CARMIL1: variants seen among roughly 807,000 people sequenced by gnomAD.
CARMIL1 encodes capping protein regulator and myosin 1 linker 1, also known as F-actin-uncapping protein LRRC16A.
Under a neutral mutation model 177.1 loss-of-function variants are expected in CARMIL1, and 90 were observed. That is an observed-to-expected ratio of 0.51 (90% confidence interval 0.43 to 0.61). The LOEUF is 0.61. Among genes scored for constraint, CARMIL1 ranks in the 20% least tolerant of loss-of-function variants. The probability of loss-of-function intolerance (pLI) is 0.00; values close to 1 mark genes in which losing one functional copy is unlikely to be tolerated. For missense variants in CARMIL1, 1,380 were observed against 1,667.0 expected (o/e 0.83, Z 3.00); for synonymous variants, 577 against 606.2 (o/e 0.95, Z 0.71).
intron 2 of CARMIL1, among the ~76,000 whole-genome samples, chr6:25,302,949 T>C (rs1432234777): frequency 6.6e-6 from 1 of 152,180 alleles, no homozygotes; most frequent in East Asian, 1.9e-4. Flanking sequence ...GTAGTGTTTG[T>C]ACCACTGTCT....
intron 26 of CARMIL1, among the ~76,000 whole-genome samples, chr6:25,541,327 G>T (rs1299499935): frequency 6.6e-6 from 1 of 152,126 alleles, no homozygotes; most frequent in Non-Finnish European, 1.5e-5. Context: ...TATACATACT[G>T]ATTGGTAACC....
At chr6:25,604,722 C>A in intron 33 of CARMIL1, 90 bp from the exon 34 acceptor site, 1 of 1,029,160 alleles carries the variant, frequency 9.7e-7, no homozygotes, top group Non-Finnish European at 1.5e-6. Flanking sequence ...AAGAGCCCTT[C>A]TTTGCTGTCA....
intron 16 of CARMIL1, among the ~76,000 whole-genome samples, chr6:25,496,513 G>GA (rs1365767423): frequency 1.4e-5 from 2 of 146,854 alleles, no homozygotes; most frequent in African/African-American, 2.5e-5. Flanking sequence ...GTCAAGTGCT[G>GA]AAAAAAAAGT....
chr6:25,323,146 G>A (rs901960690), intron 2 of CARMIL1, among the ~76,000 whole-genome samples: 4 of 151,864 alleles, frequency 2.6e-5, no homozygotes, highest in Admixed American at 6.6e-5. Flanking sequence ...TCTAATAGAC[G>A]CACAGACACA....
chr6:25,349,725 A>AT (rs67971403), intron 2 of CARMIL1, among the ~76,000 whole-genome samples: 5,493 of 93,506 alleles, frequency 0.059, 399 homozygotes, highest in East Asian at 0.18. Flanking sequence ...CAGTCCCCTC[A>AT]TTTTTTTTTT....
At chr6:25,338,600 A>G (rs1044405785) in intron 2 of CARMIL1, among the ~76,000 whole-genome samples, 2 of 149,006 alleles carry the variant, frequency 1.3e-5, no homozygotes, top group African/African-American at 5.0e-5. Context: ...GAGAATTTAC[A>G]CTTTTGGTAG....
chr6:25,342,286 T>C (rs1787027004), intron 2 of CARMIL1, among the ~76,000 whole-genome samples: 1 of 152,206 alleles, frequency 6.6e-6, no homozygotes, highest in African/African-American at 2.4e-5. Flanking sequence ...CATTTCCAGA[T>C]GAAGAAATTT....
At position 25,509,714 on chromosome 6, in the gene CARMIL1, C is replaced by A; in HGVS notation, c.1454C>A (p.Thr485Asn). 6.3e-7 allele frequency: 1 copy of A among 1,599,000 alleles called. No homozygotes were observed. The highest frequency in any genetic ancestry group is 1.1e-5 in the South Asian group (1 of 88,004). Residue 485 changes from threonine (T) to asparagine (N), a missense_variant, in exon 18 of 37, where the codon ACC becomes AAC. Coordinates refer to ENST00000329474, the MANE Select transcript of CARMIL1 (RefSeq NM_017640.6). This position sits in a 1 kb window ranked among gnomAD's most constrained non-coding sequence, Gnocchi z 4.1. ...EGCIAEIHNI[T>N]SLDISDNGLE... ...TGCATTGCTGAAATACACAACATCA[C>A]CAGCTTAGACATCTCTGACAATGGT...
chr6:25,373,667 C>T (rs1168281436), intron 2 of CARMIL1, among the ~76,000 whole-genome samples: 1 of 151,696 alleles, frequency 6.6e-6, no homozygotes, highest in Non-Finnish European at 1.5e-5. Flanking sequence ...ACTGCAACCT[C>T]CACCTCCCTG....
At chr6:25,573,590 CAAA>C (rs5875051) in intron 29 of CARMIL1, among the ~76,000 whole-genome samples, 40 of 69,982 alleles carry the variant, frequency 5.7e-4, no homozygotes, top group Middle Eastern at 8.9e-3. Flanking sequence ...TACCTCTAAG[CAAA>C]AAAAAAAAAA....
chr6:25,548,424 TC>T (rs1438786339), intron 26 of CARMIL1, among the ~76,000 whole-genome samples: 1 of 152,192 alleles, frequency 6.6e-6, no homozygotes, highest in Non-Finnish European at 1.5e-5. Context: ...AGTTGACCTT[TC>T]CATGGCATAT....
chr6:25,303,315 A>G (rs558426211), intron 2 of CARMIL1, among the ~76,000 whole-genome samples: 1 of 152,222 alleles, frequency 6.6e-6, no homozygotes, highest in African/African-American at 2.4e-5. Context: ...AAAACTAAGA[A>G]AAGCATCTCA....
At chr6:25,446,790 C>T (rs755925360) in intron 5 of CARMIL1, among the ~76,000 whole-genome samples, 14 of 152,120 alleles carry the variant, frequency 9.2e-5, no homozygotes, top group South Asian at 4.1e-4. Context: ...GAGAGATGTG[C>T]GACTATTCCT....
In CARMIL1 at chr6:25,515,711, A is replaced by G; in HGVS notation, c.1669A>G (p.Lys557Glu). 2.5e-6 allele frequency: 4 copies of G among 1,608,978 alleles called. No homozygotes were observed. Among genetic ancestry groups the G allele is most frequent in the Non-Finnish European group, 3.4e-6 (4 of 1,177,942 alleles). The change falls in exon 21 of 37, where the codon AAG becomes GAG. Residue 557 changes from lysine to glutamate, a missense_variant. Coordinates refer to ENST00000329474, the MANE Select transcript of CARMIL1 (RefSeq NM_017640.6). The surrounding 1 kb of genome is among the most constrained non-coding windows in gnomAD (Gnocchi z 5.0). ...CTTGTCCCTGGCTGACTCGAAACTCAAGACTGAGGTCACCATCATCATCAA... is the reference window on the plus strand; with the variant it reads ...CTTGTCCCTGGCTGACTCGAAACTCGAGACTGAGGTCACCATCATCATCAA... ...QSLSLADSKL[K>E]TEVTIIINAL...
intron 2 of CARMIL1, among the ~76,000 whole-genome samples, chr6:25,304,912 A>G (rs1050161726): frequency 2.0e-5 from 3 of 152,220 alleles, no homozygotes; most frequent in Admixed American, 6.5e-5. Context: ...GATTGGTTCT[A>G]TGTCCTAGGA....
chr6:25,301,138 CG>C (rs1782827027), intron 2 of CARMIL1, among the ~76,000 whole-genome samples: 2 of 152,244 alleles, frequency 1.3e-5, no homozygotes, highest in African/African-American at 4.8e-5. Flanking sequence ...TCCCAAGGTA[CG>C]CATCGATAGG....
At chr6:25,555,120 A>G (rs1181791711) in intron 28 of CARMIL1, among the ~76,000 whole-genome samples, 3 of 152,214 alleles carry the variant, frequency 2.0e-5, no homozygotes, top group Non-Finnish European at 4.4e-5. Context: ...ATATCAGTGC[A>G]TATGAAAAAA....
At chr6:25,321,789 A>C (rs181047495) in intron 2 of CARMIL1, among the ~76,000 whole-genome samples, 6,918 of 148,962 alleles carry the variant, frequency 0.046, 227 homozygotes, top group Non-Finnish European at 0.065. Context: ...CTCCCAAGTA[A>C]CTGGGACTAC....
chr6:25,579,109 TTA>T (rs57835518), intron 29 of CARMIL1, among the ~76,000 whole-genome samples: 4,661 of 150,112 alleles, frequency 0.031, 234 homozygotes, highest in African/African-American at 0.1. Context: ...GTACATATTT[TTA>T]TATGTTTAAA....
Sources: allele counts gnomAD v4.1 joint callset (sites outside exome capture counted in the v4.1 genomes callset), GRCh38; gene constraint gnomAD v4.1.1; non-coding constraint Gnocchi (gnomAD v3.1); transcripts MANE v1.5; gene names NCBI Gene and HGNC (gene_info 2026-07-23, HGNC 2026-07-21).